APP: variants seen among roughly 807,000 people sequenced by gnomAD.
The protein encoded by APP is amyloid beta precursor protein, also known as amyloid-beta precursor protein.
In APP, 31 loss-of-function variants were observed where a neutral mutation model predicts 101.4. The ratio of observed to expected loss-of-function variants is 0.31; its 90% CI spans 0.23 to 0.41. The LOEUF (loss-of-function observed/expected upper bound fraction) is 0.41, where lower values mean the gene tolerates loss of function less well. Among genes scored for constraint, APP ranks in the 10% least tolerant of loss-of-function variants. APP has a pLI of 1.00. For synonymous variants in APP, 366 were observed against 364.4 expected, an observed-to-expected ratio of 1.00 and a Z score of -0.05; for missense variants, 839 against 1,003.7, an observed-to-expected ratio of 0.84 and a Z score of 2.22.
chr21:26,077,791 A>G (rs1038411578), intron 3 of APP, among the ~76,000 whole-genome samples: 2 of 152,012 alleles, frequency 1.3e-5, no homozygotes, highest in African/African-American at 4.8e-5. Context: ...AAAAAAAAAA[A>G]AAAGACAGAC....
intron 8 of APP, 81 bp downstream of exon 8, chr21:25,997,276 AAAG>A: frequency 7.7e-7 from 1 of 1,300,110 alleles, no homozygotes; most frequent in Non-Finnish European, 1.1e-6. Context: ...AAAACCATGC[AAAG>A]AAGGTGATGA....
chr21:25,917,624 A>C (rs1185016539), intron 13 of APP, among the ~76,000 whole-genome samples: 2 of 152,218 alleles, frequency 1.3e-5, no homozygotes, highest in African/African-American at 4.8e-5. Context: ...TATGTGTTAC[A>C]AGTGTCAGTT....
intron 2 of APP, among the ~76,000 whole-genome samples, chr21:26,097,802 C>T (rs543570149): frequency 3.9e-5 from 6 of 152,162 alleles, no homozygotes; most frequent in South Asian, 2.1e-4. Context: ...GTGCATAGGC[C>T]GGGCGCGGTG....
chr21:26,170,637 G>T lies in APP; in HGVS notation c.-17C>A, dbSNP rs1248618802. The T allele has an allele frequency of 6.5e-7, 1 of 1,532,350 alleles. No individual in the cohort carries two copies. Among genetic ancestry groups the T allele is most frequent in the Non-Finnish European group, 8.7e-7 (1 of 1,144,408 alleles). The allele number at this position is 1,532,350 out of a possible 1,614,324, so 94.9% of individuals were successfully genotyped here. ...GGGCAGCATCGCGACCCTGCGCGGG[G>T]CACCGAGTGCGCTGCTGTGCGAGTG... On this transcript the variant is annotated 5_prime_UTR_variant, in exon 1 of 18. Coordinates refer to ENST00000346798, the MANE Select transcript of APP (RefSeq NM_000484.4).
intron 1 of APP, among the ~76,000 whole-genome samples, chr21:26,148,298 G>C (rs1261327074): frequency 6.6e-6 from 1 of 152,248 alleles, no homozygotes; most frequent in Non-Finnish European, 1.5e-5. Flanking sequence ...AAGCAGCCAA[G>C]GCTGTCACCA....
At chr21:25,942,630 C>T (rs376063) in intron 13 of APP, 121,222 of 152,100 alleles carry the variant, frequency 0.8, 49,940 homozygotes, top group Non-Finnish European at 0.91. Context: ...ATACCTGTGA[C>T]GTGTCTGGCA....
rs150730061 is a variant in APP at position 26,048,418 on chromosome 21, A to G, written c.662+2582T>C. 2.8e-3 allele frequency among the ~76,000 whole-genome samples: 429 copies of G among 152,120 alleles called. 3 individuals carry two copies. The highest frequency in any genetic ancestry group is 5.4e-3 in the Admixed American group (82 of 15,274). The stretch of plus-strand genomic sequence containing the variant: ...GAGGCTCTATAACAGGGCCTATAGA[A>G]AAAAAAAGGCAAAAAAATTTCATAA... On this transcript the variant is annotated intron_variant, in intron 5 of 17. Transcript: ENST00000346798.
intron 2 of APP, among the ~76,000 whole-genome samples, chr21:26,097,707 T>C (rs1273517649): frequency 6.6e-6 from 1 of 151,860 alleles, no homozygotes; most frequent in Admixed American, 6.6e-5. Flanking sequence ...AGTACAGGAG[T>C]CTGAAAAGCA....
intron 4 of APP, 111 bp downstream of exon 4, chr21:26,053,125 C>T: frequency 9.2e-6 from 8 of 871,246 alleles, no homozygotes; most frequent in Admixed American, 5.5e-5. Flanking sequence ...GGGTTTTTTT[C>T]TTAAATAACT....
At chr21:25,977,978 A>G (rs1365885528) in intron 9 of APP, among the ~76,000 whole-genome samples, 1 of 152,350 alleles carries the variant, frequency 6.6e-6, no homozygotes, top group South Asian at 2.1e-4. Flanking sequence ...AGGAATCTCA[A>G]AATTAGTTTG....
chr21:26,045,920 T>C (rs1312378188), intron 5 of APP, among the ~76,000 whole-genome samples: 4 of 152,114 alleles, frequency 2.6e-5, no homozygotes, highest in African/African-American at 9.7e-5. Flanking sequence ...CAGTTCCACA[T>C]GGCTGGGGAA....
intron 1 of APP, among the ~76,000 whole-genome samples, chr21:26,136,841 C>G (rs2062929422): frequency 6.6e-6 from 1 of 152,200 alleles, no homozygotes; most frequent in Admixed American, 6.5e-5. Flanking sequence ...GTTGCCAGAT[C>G]TGTAGAAACT....
chr21:26,148,434 T>A (rs2063197493), intron 1 of APP, among the ~76,000 whole-genome samples: 1 of 152,190 alleles, frequency 6.6e-6, no homozygotes, highest in South Asian at 2.1e-4. Context: ...CAGGGTTCAC[T>A]GAGAAGAGGA....
intron 2 of APP, among the ~76,000 whole-genome samples, chr21:26,110,788 A>C (rs554592691): frequency 6.6e-6 from 1 of 152,300 alleles, no homozygotes; most frequent in Admixed American, 6.5e-5. Context: ...TTTCTAGTAC[A>C]AAAAGGATTA....
At chr21:26,095,776 A>G (rs558590739) in intron 2 of APP, among the ~76,000 whole-genome samples, 73 of 152,318 alleles carry the variant, frequency 4.8e-4, no homozygotes, top group Non-Finnish European at 9.9e-4. Context: ...CTTAATTTGC[A>G]TGTGTTTTCC....
At chr21:26,116,404 T>G (rs533050775) in intron 1 of APP, among the ~76,000 whole-genome samples, 2 of 152,186 alleles carry the variant, frequency 1.3e-5, no homozygotes, top group Non-Finnish European at 2.9e-5. Context: ...TATAAACATA[T>G]ATACCTAATC....
intron 1 of APP, among the ~76,000 whole-genome samples, chr21:26,162,387 AT>A (rs2063510330): frequency 6.6e-6 from 1 of 151,908 alleles, no homozygotes; most frequent in Admixed American, 6.5e-5. Context: ...AGGAGTAGAT[AT>A]AACAAGTCCT....
At chr21:26,084,956 G>C (rs1465155300) in intron 3 of APP, among the ~76,000 whole-genome samples, 1 of 151,956 alleles carries the variant, frequency 6.6e-6, no homozygotes, top group African/African-American at 2.4e-5. Flanking sequence ...TCCTTCAATG[G>C]TACTACATAC....
intron 6 of APP, among the ~76,000 whole-genome samples, chr21:26,013,612 T>C (rs867907097): frequency 6.6e-6 from 1 of 152,202 alleles, no homozygotes; most frequent in Non-Finnish European, 1.5e-5. Context: ...TATAATTGTA[T>C]TAAAATGCCT....
Sources: allele counts gnomAD v4.1 joint callset (sites outside exome capture counted in the v4.1 genomes callset), GRCh38; gene constraint gnomAD v4.1.1; transcripts MANE v1.5; gene names NCBI Gene and HGNC (gene_info 2026-07-23, HGNC 2026-07-21).